Variants in TPX2 observed in about 807,000 individuals in gnomAD.
TPX2 encodes TPX2 microtubule nucleation factor.
In TPX2, 21 loss-of-function variants were observed where a neutral mutation model predicts 93.6. The ratio of observed to expected loss-of-function variants is 0.22; its 90% CI spans 0.16 to 0.32. TPX2 has a LOEUF of 0.32. Among genes scored for constraint, TPX2 ranks in the 10% least tolerant of loss-of-function variants. TPX2 has a pLI of 1.00. For missense variants in TPX2, 776 were observed against 871.1 expected (o/e 0.89, Z 1.37); for synonymous variants, 281 against 298.3 (o/e 0.94, Z 0.60).
intron 2 of TPX2, among the ~76,000 whole-genome samples, chr20:31,744,103 A>G (rs555537858): frequency 1.3e-5 from 2 of 151,318 alleles, no homozygotes; most frequent in East Asian, 3.9e-4. Flanking sequence ...CGGACAGCCA[A>G]CTGTATTTCA....
chr20:31,783,606 T>TC (rs2062047832), intron 11 of TPX2, 99 bp from the exon 12 acceptor site: 2 of 1,166,132 alleles, frequency 1.7e-6, no homozygotes, highest in African/African-American at 3.1e-5. Context: ...GGGAGCATAA[T>TC]CTTAATGATT....
chr20:31,776,118 G>T lies in TPX2; in HGVS notation c.730+130G>T, dbSNP rs538143198. The stretch of plus-strand genomic sequence containing the variant: ...AGACGGAGTCTCGCTCTGTCGCCCA[G>T]GCCGGACTGCGGACTGCAGTGGCGC... On this transcript the variant is annotated intron_variant, in intron 8 of 17. Coordinates refer to ENST00000300403, the MANE Select transcript of TPX2 (RefSeq NM_012112.5). 80 of 951,844 alleles carry T rather than the reference G, an allele frequency of 8.4e-5. No individual in the cohort carries two copies. The African/African-American group carries it at 1.4e-3, about 16-fold the overall frequency. The allele number at this position is 951,844 out of a possible 1,614,324, so 59.0% of individuals were successfully genotyped here.
chr20:31,799,672 G>A (rs1289856963), intron 17 of TPX2, among the ~76,000 whole-genome samples: 3 of 152,072 alleles, frequency 2.0e-5, no homozygotes. Context: ...GGCCCAGGTG[G>A]GTGGATCACT....
At chr20:31,779,515 A>G (rs755943597) in intron 10 of TPX2, among the ~76,000 whole-genome samples, 2 of 152,226 alleles carry the variant, frequency 1.3e-5, no homozygotes, top group African/African-American at 2.4e-5. Context: ...GTAGTGACCT[A>G]TTTATCTCTG....
chr20:31,789,855 A>G (rs1006022763), intron 12 of TPX2, among the ~76,000 whole-genome samples: 2 of 152,246 alleles, frequency 1.3e-5, no homozygotes, highest in African/African-American at 4.8e-5. Context: ...CTCTTTTAAA[A>G]TGCAGACATT....
At chr20:31,756,087 C>T (rs1254831944) in intron 2 of TPX2, among the ~76,000 whole-genome samples, 1 of 152,158 alleles carries the variant, frequency 6.6e-6, no homozygotes, top group Non-Finnish European at 1.5e-5. Flanking sequence ...TAAGAAAAGA[C>T]AACTTATATT....
chr20:31,788,702 T>C (rs551241763), intron 12 of TPX2, among the ~76,000 whole-genome samples: 2 of 152,156 alleles, frequency 1.3e-5, no homozygotes, highest in South Asian at 2.1e-4. Context: ...AAAGGACTCC[T>C]GGGGCAGAGG....
At chr20:31,789,693 C>A (rs1478481076) in intron 12 of TPX2, among the ~76,000 whole-genome samples, 1 of 152,002 alleles carries the variant, frequency 6.6e-6, no homozygotes, top group Admixed American at 6.6e-5. Context: ...CCCTAGTTAA[C>A]TTTGATGGAA....
chr20:31,790,037 G>T (rs990341622), intron 12 of TPX2, among the ~76,000 whole-genome samples: 1 of 152,218 alleles, frequency 6.6e-6, no homozygotes, highest in Non-Finnish European at 1.5e-5. Context: ...CAGACCCGTG[G>T]CTTCTTGCTC....
intron 2 of TPX2, among the ~76,000 whole-genome samples, chr20:31,742,957 G>A (rs982243769): frequency 6.6e-6 from 1 of 152,128 alleles, no homozygotes; most frequent in Admixed American, 6.6e-5. Context: ...GCTTATGTCT[G>A]TAATCCCAGC....
chr20:31,786,677 A>G (rs1361806882), intron 12 of TPX2, among the ~76,000 whole-genome samples: 1 of 152,192 alleles, frequency 6.6e-6, no homozygotes. Flanking sequence ...GTGCTAGGAT[A>G]GTAGGCGTGA....
intron 2 of TPX2, among the ~76,000 whole-genome samples, chr20:31,752,296 G>A (rs1407161590): frequency 6.6e-6 from 1 of 152,124 alleles, no homozygotes; most frequent in East Asian, 1.9e-4. Flanking sequence ...GCTGTTTTCA[G>A]GAAAGAAAAT....
rs35700111 is a variant in TPX2 at position 31,766,454 on chromosome 20, GGTGTGT to G, written c.230-65_230-60del. ...ACTAAGGTTTCTGTGGCTTAGACAGGGTGTGTGTGTGTGTGTGTGTGTGTGTGTGTG... is the reference window on the plus strand; with the variant it reads ...ACTAAGGTTTCTGTGGCTTAGACAGGGTGTGTGTGTGTGTGTGTGTGTGTG... On this transcript the variant is annotated intron_variant, in intron 4 of 17. Coordinates refer to ENST00000300403, the MANE Select transcript of TPX2 (RefSeq NM_012112.5). 5.5e-3 allele frequency: 3,972 copies of G among 717,724 alleles called. 1 individual carries two copies. The highest frequency in any genetic ancestry group is 0.019 in the Admixed American group (630 of 33,424). The allele number at this position is 717,724 out of a possible 1,614,324, so 44.5% of individuals were successfully genotyped here.
chr20:31,756,792 T>G (rs2061855099), intron 2 of TPX2, among the ~76,000 whole-genome samples: 1 of 151,770 alleles, frequency 6.6e-6, no homozygotes, highest in Admixed American at 6.6e-5. Context: ...CCCAGCTAAT[T>G]TTTTGTATTT....
chr20:31,798,342 AT>A (rs777043027), intron 16 of TPX2, 22 bp from the exon 17 acceptor site: 1 of 1,613,362 alleles, frequency 6.2e-7, no homozygotes, highest in Admixed American at 1.7e-5. Context: ...GTGCACCAAT[AT>A]TTTTTCTGTT....
At chr20:31,776,051 T>G (rs1410512973) in intron 8 of TPX2, 63 bp downstream of exon 8, 28 of 248,880 alleles carry the variant, frequency 1.1e-4, no homozygotes, top group African/African-American at 1.2e-3. Flanking sequence ...TTGGTAGGTG[T>G]TTTTTTTTTT....
chr20:31,756,467 T>C (rs948003962), intron 2 of TPX2, among the ~76,000 whole-genome samples: 1 of 152,012 alleles, frequency 6.6e-6, no homozygotes, highest in African/African-American at 2.4e-5. Flanking sequence ...AGAGAGAGAA[T>C]AAATTGGGCT....
intron 6 of TPX2, among the ~76,000 whole-genome samples, chr20:31,771,027 G>A (rs1399153911): frequency 1.3e-5 from 2 of 151,522 alleles, no homozygotes; most frequent in Admixed American, 1.3e-4. Context: ...TTATGTTTAA[G>A]AGAAGAAGAA....
At chr20:31,751,041 G>A (rs1246117780) in intron 2 of TPX2, among the ~76,000 whole-genome samples, 3 of 152,070 alleles carry the variant, frequency 2.0e-5, no homozygotes, top group Non-Finnish European at 4.4e-5. Flanking sequence ...CTGATTAGCT[G>A]GGACTACAGG....
Sources: gnomAD v4.1 joint callset for allele counts (sites outside exome capture counted in the v4.1 genomes callset) on GRCh38, gnomAD v4.1.1 for gene constraint, MANE v1.5 for transcripts, NCBI Gene and HGNC (gene_info 2026-07-23, HGNC 2026-07-21) for gene names.